Variants in PELI2 observed in about 807,000 individuals in gnomAD.
PELI2 encodes the protein pellino E3 ubiquitin protein ligase family member 2, also known as E3 ubiquitin-protein ligase pellino homolog 2.
Under a neutral mutation model 42.3 loss-of-function variants are expected in PELI2, and 23 were observed. The observed-to-expected ratio is 0.54, with a 90% CI of 0.39 to 0.77. The LOEUF is 0.77. Ranked by LOEUF, PELI2 falls within the 30% of genes least tolerant of loss-of-function variation. The probability of loss-of-function intolerance (pLI) is 0.00; values close to 1 mark genes in which losing one functional copy is unlikely to be tolerated. For synonymous variants in PELI2, 245 were observed against 212.2 expected (o/e 1.15, Z -1.34); for missense variants, 463 against 553.2 (o/e 0.84, Z 1.64).
intron 2 of PELI2, among the ~76,000 whole-genome samples, chr14:56,254,910 G>T (rs1025320602): frequency 6.6e-6 from 1 of 152,192 alleles, no homozygotes; most frequent in Non-Finnish European, 1.5e-5. Context: ...GGTCATCAGA[G>T]AAATGCAAAT....
intron 1 of PELI2, among the ~76,000 whole-genome samples, chr14:56,159,268 C>T (rs1884672199): frequency 6.6e-6 from 1 of 152,174 alleles, no homozygotes; most frequent in Admixed American, 6.5e-5. Context: ...TTTGCGCCTG[C>T]TGTGTGGATG....
chr14:56,223,269 A>C (rs1227361545), intron 2 of PELI2, among the ~76,000 whole-genome samples: 1 of 152,192 alleles, frequency 6.6e-6, no homozygotes, highest in Non-Finnish European at 1.5e-5. Context: ...TTCAGAGCTT[A>C]ATAATGCTTC....
chr14:56,254,569 G>A (rs1272827016), intron 2 of PELI2, among the ~76,000 whole-genome samples: 2 of 152,038 alleles, frequency 1.3e-5, no homozygotes, highest in African/African-American at 4.8e-5. Context: ...ACCATTCAGG[G>A]CATAGGCGTG....
intron 2 of PELI2, among the ~76,000 whole-genome samples, chr14:56,269,129 G>C: frequency 6.6e-6 from 1 of 152,048 alleles, no homozygotes; most frequent in East Asian, 1.9e-4. Flanking sequence ...AAAGATGTGG[G>C]ACAAATAAAG....
At chr14:56,220,953 TGC>T (rs1463704772) in intron 2 of PELI2, among the ~76,000 whole-genome samples, 1 of 152,162 alleles carries the variant, frequency 6.6e-6, no homozygotes, top group Non-Finnish European at 1.5e-5. Context: ...CTTTCAGCAG[TGC>T]TGTGAAGGAG....
At chr14:56,238,969 C>A (rs1259374954) in intron 2 of PELI2, among the ~76,000 whole-genome samples, 1 of 152,258 alleles carries the variant, frequency 6.6e-6, no homozygotes, top group East Asian at 1.9e-4. Flanking sequence ...CCAACTCAAG[C>A]AGTAAATTAA....
intron 3 of PELI2, among the ~76,000 whole-genome samples, chr14:56,282,280 T>C (rs1402034397): frequency 6.6e-6 from 1 of 152,096 alleles, no homozygotes; most frequent in East Asian, 1.9e-4. Context: ...CCAAACATAT[T>C]AAATGAGTTA....
intron 4 of PELI2, among the ~76,000 whole-genome samples, chr14:56,289,734 G>A (rs898806473): frequency 2.6e-5 from 4 of 152,100 alleles, no homozygotes; most frequent in Admixed American, 6.5e-5. Context: ...AGCTACATGC[G>A]CCATCTACCT....
In PELI2 at chr14:56,299,681, A is replaced by G. The variant is rs1477761446; in HGVS notation, c.*2515A>G. ...TAGCTCACCAAGGTGGAGAAACGCA[A>G]TTCAGAAAAGTAATTTCTCCAAGGT... is the stretch of plus-strand genomic sequence containing the variant. On this transcript the variant is annotated 3_prime_UTR_variant, in exon 6 of 6. Transcript: ENST00000267460. The G allele has an allele frequency of 1.3e-5, 2 of 152,224 alleles. No individual in the cohort carries two copies. The highest frequency in any genetic ancestry group is 3.9e-4 in the East Asian group (2 of 5,184). 9.4% of individuals were successfully genotyped at this position (152,224 alleles called of 1,614,324 possible). A position where few individuals can be genotyped will look rare whatever the true frequency, so the allele number is the denominator to read the frequency against.
At chr14:56,252,708 G>A (rs1461901884) in intron 2 of PELI2, among the ~76,000 whole-genome samples, 2 of 152,146 alleles carry the variant, frequency 1.3e-5, no homozygotes, top group Non-Finnish European at 2.9e-5. Flanking sequence ...AATTGAGGCA[G>A]TAATTAATAT....
chr14:56,141,200 A>G (rs1280474603), intron 1 of PELI2, among the ~76,000 whole-genome samples: 1 of 152,162 alleles, frequency 6.6e-6, no homozygotes, highest in Non-Finnish European at 1.5e-5. Context: ...CAAAGTTTCC[A>G]TTTGATTCAT....
intron 1 of PELI2, chr14:56,144,857 G>A (rs1884055359): frequency 2.3e-6 from 1 of 426,680 alleles, no homozygotes; most frequent in African/African-American, 2.1e-5. Flanking sequence ...ACTTAGTATG[G>A]GGCCTTGTAC....
chr14:56,261,028 T>G (rs890794283), intron 2 of PELI2, among the ~76,000 whole-genome samples: 1 of 151,516 alleles, frequency 6.6e-6, no homozygotes, highest in African/African-American at 2.4e-5. Flanking sequence ...TGTGGAGGGA[T>G]TGAGGTATTT....
At chr14:56,169,236 C>T (rs907645825) in intron 1 of PELI2, among the ~76,000 whole-genome samples, 2 of 152,188 alleles carry the variant, frequency 1.3e-5, no homozygotes, top group African/African-American at 2.4e-5. Context: ...GCCAAGCCCA[C>T]GGTCTCTGGG....
intron 2 of PELI2, among the ~76,000 whole-genome samples, chr14:56,276,203 A>C (rs114502616): frequency 0.015 from 2,313 of 152,296 alleles, 67 homozygotes; most frequent in African/African-American, 0.053. Flanking sequence ...TCTCAGGTTT[A>C]AACTCTTCTT....
intron 2 of PELI2, among the ~76,000 whole-genome samples, chr14:56,247,273 G>A (rs189221100): frequency 8.5e-4 from 130 of 152,236 alleles, no homozygotes; most frequent in African/African-American, 2.9e-3. Context: ...AAGATTTATC[G>A]TGTATATTCT....
At chr14:56,277,823 A>G (rs1394760375) in intron 2 of PELI2, among the ~76,000 whole-genome samples, 1 of 152,260 alleles carries the variant, frequency 6.6e-6, no homozygotes, top group Non-Finnish European at 1.5e-5. Flanking sequence ...TGTTTTAAGC[A>G]TGAGCAACTC....
At chr14:56,134,121 A>G (rs1883598171) in intron 1 of PELI2, among the ~76,000 whole-genome samples, 1 of 152,230 alleles carries the variant, frequency 6.6e-6, no homozygotes, top group African/African-American at 2.4e-5. Context: ...GTAAGTACTC[A>G]TTGACAATTG....
At chr14:56,263,881 A>G (rs1888809529) in intron 2 of PELI2, among the ~76,000 whole-genome samples, 1 of 48,622 alleles carries the variant, frequency 2.1e-5, no homozygotes, top group African/African-American at 1.2e-4. Context: ...CACAGATCTT[A>G]ATGCAGACGA....
Sources: gnomAD v4.1 joint callset for allele counts (sites outside exome capture counted in the v4.1 genomes callset) on GRCh38, gnomAD v4.1.1 for gene constraint, MANE v1.5 for transcripts, NCBI Gene and HGNC (gene_info 2026-07-23, HGNC 2026-07-21) for gene names.